The following MLANA variants were observed in gnomAD, a reference collection of about 807,000 sequenced individuals.
MLANA encodes the protein melanoma antigen recognized by T-cells 1.
MLANA carries 21 observed loss-of-function variants against 15.7 expected under a neutral mutation model. The observed-to-expected ratio is 1.33, with a 90% CI of 0.95 to 1.92. The LOEUF (loss-of-function observed/expected upper bound fraction) is 1.92, where lower values mean the gene tolerates loss of function less well. Ranked by LOEUF, MLANA falls within the 40% of genes most tolerant of loss-of-function variation. MLANA has a pLI of 0.00. For missense variants in MLANA, 164 were observed against 143.8 expected, an observed-to-expected ratio of 1.14 and a Z score of -0.72; for synonymous variants, 56 against 51.5, an observed-to-expected ratio of 1.09 and a Z score of -0.37.
chr9:5,898,409 A>G (rs1057352998), intron 3 of MLANA, among the ~76,000 whole-genome samples: 1 of 152,146 alleles, frequency 6.6e-6, no homozygotes, highest in Admixed American at 6.5e-5. Context: ...CAATAACAAC[A>G]TTAATCCATT....
At chr9:5,907,187 T>C in intron 4 of MLANA, 189 bp downstream of exon 4, 1 of 364,844 alleles carries the variant, frequency 2.7e-6, no homozygotes, top group Non-Finnish European at 4.8e-6. Flanking sequence ...TAAATAATAA[T>C]AAAAAACAAG....
Position 5,908,895 on chromosome 9 carries a change from A to G in MLANA, c.*187A>G, listed in dbSNP as rs1832988628. 7.0e-6 allele frequency: 4 copies of G among 567,790 alleles called. No homozygotes were observed. The Admixed American group carries it at 1.3e-4, about 18-fold the overall frequency. 35.2% of individuals were successfully genotyped at this position (567,790 alleles called of 1,614,324 possible). ...ACTAATCATGTGAGGAAATGATGAG[A>G]AATATTAAATTGGGAAAACTCCATC... On this transcript the variant is annotated 3_prime_UTR_variant, in exon 5 of 5. Coordinates refer to ENST00000381477, the MANE Select transcript of MLANA (RefSeq NM_005511.2).
chr9:5,902,145 TTC>T (rs1248715866), intron 3 of MLANA, among the ~76,000 whole-genome samples: 1 of 152,190 alleles, frequency 6.6e-6, no homozygotes, highest in Non-Finnish European at 1.5e-5. Context: ...GTCTGGTGCT[TTC>T]TGTTTTGGAA....
chr9:5,891,738 G>T (rs1334180783), intron 1 of MLANA, among the ~76,000 whole-genome samples: 1 of 152,210 alleles, frequency 6.6e-6, no homozygotes, highest in African/African-American at 2.4e-5. Context: ...CCTAGCCAAG[G>T]GACTTGAACC....
chr9:5,897,881 A>G (rs2129925037), intron 3 of MLANA, among the ~76,000 whole-genome samples: 1 of 152,334 alleles, frequency 6.6e-6, no homozygotes, highest in Non-Finnish European at 1.5e-5. Flanking sequence ...CTGTGATTAT[A>G]ACATAATACG....
At chr9:5,908,320 A>G (rs1439225441) in intron 4 of MLANA, among the ~76,000 whole-genome samples, 1 of 152,228 alleles carries the variant, frequency 6.6e-6, no homozygotes, top group African/African-American at 2.4e-5. Context: ...GATGCAATGT[A>G]TATGGTGTCT....
intron 2 of MLANA, among the ~76,000 whole-genome samples, chr9:5,896,416 T>C (rs1435345478): frequency 6.6e-6 from 1 of 152,192 alleles, no homozygotes; most frequent in Non-Finnish European, 1.5e-5. Flanking sequence ...CATCTAGCAC[T>C]GTCATCCCAT....
intron 3 of MLANA, among the ~76,000 whole-genome samples, chr9:5,906,443 T>C (rs1030011814): frequency 6.6e-6 from 1 of 152,380 alleles, no homozygotes; most frequent in East Asian, 1.9e-4. Flanking sequence ...ACCTATGTTA[T>C]TTTCTTTTTC....
Position 5,910,026 on chromosome 9 carries a change from T to C in MLANA, c.*1318T>C, listed in dbSNP as rs1833070529. 2 of 152,194 alleles carry C rather than the reference T, an allele frequency of 1.3e-5. No homozygotes were observed. Among genetic ancestry groups the C allele is most frequent in the African/African-American group, 4.8e-5 (2 of 41,438 alleles). The allele number at this position is 152,194 out of a possible 1,614,324, so 9.4% of individuals were successfully genotyped here. The stretch of plus-strand genomic sequence containing the variant: ...AGGATAACTATAACAACGAAGATAA[T>C]GAAAGTAATTTTTTTAACCTAAGAA... On this transcript the variant is annotated 3_prime_UTR_variant, in exon 5 of 5. Coordinates refer to ENST00000381477, the MANE Select transcript of MLANA (RefSeq NM_005511.2).
At chr9:5,897,724 T>C in intron 3 of MLANA, 71 bp downstream of exon 3, 2 of 1,297,188 alleles carry the variant, frequency 1.5e-6, no homozygotes, top group East Asian at 2.3e-5. Context: ...CCTCTGAATC[T>C]CTGGAGAGTC....
At chr9:5,907,709 T>TA (rs1479554625) in intron 4 of MLANA, among the ~76,000 whole-genome samples, 7 of 152,346 alleles carry the variant, frequency 4.6e-5, no homozygotes, top group African/African-American at 1.7e-4. Flanking sequence ...TCCCAGCACT[T>TA]CGGGAGGCCG....
At chr9:5,892,795 C>G (rs1362410613) in intron 2 of MLANA, among the ~76,000 whole-genome samples, 1 of 152,156 alleles carries the variant, frequency 6.6e-6, no homozygotes, top group Admixed American at 6.5e-5. Flanking sequence ...TTTTTGGGTG[C>G]ACTTTTGACT....
At chr9:5,896,764 T>C (rs1832051932) in intron 2 of MLANA, among the ~76,000 whole-genome samples, 1 of 152,188 alleles carries the variant, frequency 6.6e-6, no homozygotes, top group South Asian at 2.1e-4. Flanking sequence ...GTAACTGTAA[T>C]GCTTCCCAGG....
At chr9:5,895,431 G>T (rs1831949856) in intron 2 of MLANA, among the ~76,000 whole-genome samples, 1 of 151,654 alleles carries the variant, frequency 6.6e-6, no homozygotes, top group Non-Finnish European at 1.5e-5. Context: ...CCTGCACAAT[G>T]GGGCAATCTT....
chr9:5,896,360 C>T (rs1246342752), intron 2 of MLANA, among the ~76,000 whole-genome samples: 1 of 152,308 alleles, frequency 6.6e-6, no homozygotes, highest in Non-Finnish European at 1.5e-5. Context: ...GTCTCAGCTT[C>T]CTGATCTATA....
At position 5,909,966 on chromosome 9, in the gene MLANA, C is replaced by G. The variant is rs1305571632; in HGVS notation, c.*1258C>G. ...TTTTGGCTTTAATTCCTATTGCCAT[C>G]CTGAGTGGAAAACCAGTATCATTTT... On this transcript the variant is annotated 3_prime_UTR_variant, in exon 5 of 5. Coordinates refer to ENST00000381477, the MANE Select transcript of MLANA (RefSeq NM_005511.2). 1 of 152,186 alleles carries G rather than the reference C, an allele frequency of 6.6e-6. No homozygotes were observed. Among genetic ancestry groups the G allele is most frequent in the Admixed American group, 6.5e-5 (1 of 15,272 alleles). The allele number at this position is 152,186 out of a possible 1,614,324, so 9.4% of individuals were successfully genotyped here.
At chr9:5,902,940 C>G (rs1172048766) in intron 3 of MLANA, among the ~76,000 whole-genome samples, 1 of 152,186 alleles carries the variant, frequency 6.6e-6, no homozygotes, top group Non-Finnish European at 1.5e-5. Flanking sequence ...TTCTTCTTCT[C>G]TAATATACAC....
In MLANA at chr9:5,908,912, A is replaced by T. The variant is rs1832989517; in HGVS notation, c.*204A>T. The T allele has an allele frequency of 7.2e-6, 4 of 552,922 alleles. No homozygotes were observed. Among genetic ancestry groups the T allele is most frequent in the Admixed American group, 3.3e-5 (1 of 30,162 alleles). 34.3% of individuals were successfully genotyped at this position (552,922 alleles called of 1,614,324 possible). A position where few individuals can be genotyped will look rare whatever the true frequency, so the allele number is the denominator to read the frequency against. On this transcript the variant is annotated 3_prime_UTR_variant, in exon 5 of 5. Transcript: ENST00000381477. ...ATGATGAGAAATATTAAATTGGGAAAACTCCATCAATAAATGTTGCAATGC... is the reference window on the plus strand; with the variant it reads ...ATGATGAGAAATATTAAATTGGGAATACTCCATCAATAAATGTTGCAATGC...
At chr9:5,908,220 C>T (rs1231396345) in intron 4 of MLANA, among the ~76,000 whole-genome samples, 1 of 152,202 alleles carries the variant, frequency 6.6e-6, no homozygotes, top group Non-Finnish European at 1.5e-5. Flanking sequence ...GAAGCCCTGA[C>T]ACATTTGTTC....
Sources: allele counts gnomAD v4.1 joint callset (sites outside exome capture counted in the v4.1 genomes callset), GRCh38; gene constraint gnomAD v4.1.1; transcripts MANE v1.5; gene names NCBI Gene and HGNC (gene_info 2026-07-23, HGNC 2026-07-21).